Variants in PPIL2 observed in about 807,000 individuals in gnomAD.
The protein encoded by PPIL2 is peptidylprolyl isomerase like 2.
A neutral mutation model predicts 75.2 loss-of-function variants in PPIL2; 50 were observed. The ratio of observed to expected loss-of-function variants is 0.66; its 90% confidence interval spans 0.53 to 0.84. The LOEUF is 0.84. PPIL2 is among the 40% of genes least tolerant of loss of function. The probability of loss-of-function intolerance (pLI) is 0.00; values close to 1 mark genes in which losing one functional copy is unlikely to be tolerated. For missense variants in PPIL2, 590 were observed against 685.0 expected, an observed-to-expected ratio of 0.86 and a Z score of 1.55; for synonymous variants, 245 against 258.8, an observed-to-expected ratio of 0.95 and a Z score of 0.51.
At chr22:21,666,157 G>C in intron 1 of PPIL2, 26 bp downstream of exon 1, 1 of 1,604,536 alleles carries the variant, frequency 6.2e-7, no homozygotes, top group Non-Finnish European at 8.5e-7. Flanking sequence ...GTCGGGAGCG[G>C]CGCTCCACTC....
chr22:21,671,396 G>A (rs1327645992), intron 4 of PPIL2, among the ~76,000 whole-genome samples: 1 of 152,220 alleles, frequency 6.6e-6, no homozygotes. Context: ...GATAACCACT[G>A]TAAATATGCT....
intron 9 of PPIL2, 75 bp downstream of exon 9, chr22:21,683,332 C>A: frequency 1.5e-6 from 2 of 1,334,178 alleles, no homozygotes; most frequent in Non-Finnish European, 2.1e-6. Context: ...TGGGTAAAGC[C>A]CCCGCTTTCC....
At chr22:21,679,632 T>A (rs2067020096) in intron 6 of PPIL2, among the ~76,000 whole-genome samples, 1 of 150,618 alleles carries the variant, frequency 6.6e-6, no homozygotes, top group African/African-American at 2.4e-5. Context: ...AAACGGGGTC[T>A]CAGCCTATCG....
chr22:21,673,544 G>T (rs886785428), intron 5 of PPIL2: 4 of 152,262 alleles, frequency 2.6e-5, no homozygotes, highest in Admixed American at 6.5e-5. Context: ...CTTGTCGATT[G>T]TGCTGGCCCC....
chr22:21,666,121 A>C lies in PPIL2; in HGVS notation c.22A>C (p.Lys8Gln). 6.2e-7 allele frequency: 1 copy of C among 1,613,706 alleles called. No individual in the cohort carries two copies. Among genetic ancestry groups the C allele is most frequent in the Non-Finnish European group, 8.5e-7 (1 of 1,179,798 alleles). The change falls in exon 1 of 20, where the codon AAG becomes CAG. Residue 8 changes from lysine (K) to glutamine (Q), a missense_variant. By Grantham distance (53) the Lys-to-Gln change is moderately conservative. Transcript: ENST00000398831. Reference protein sequence around the residue: MGKRQHQKDKMYITCAEY... With the variant: MGKRQHQQDKMYITCAEY... The stretch of plus-strand genomic sequence containing the variant: ...CGCCATGGGGAAGCGACAGCACCAA[A>C]AGGACAAAATGTAAGTTGAGCCGCA...
Position 21,688,100 on chromosome 22 carries a change from G to C in PPIL2, c.1015G>C (p.Gly339Arg). ...CCAAGGGGGCGACCCCACAGGCACA[G>C]GCACGGGTAGGTACTGGTGCTGGGC... The part of the protein sequence containing the change: ...VIQGGDPTGT[G>R]TGGESYWGKP... Residue 339 changes from glycine to arginine, a missense_variant, in exon 14 of 20, where the codon GGC (glycine) becomes CGC (arginine). Physicochemically the swap from Gly to Arg is moderately radical, Grantham distance 125. Coordinates refer to ENST00000398831, the MANE Select transcript of PPIL2 (RefSeq NM_014337.4). The C allele has an allele frequency of 1.2e-6, 2 of 1,614,228 alleles. No individual in the cohort carries two copies. Among genetic ancestry groups the C allele is most frequent in the Non-Finnish European group, 1.7e-6 (2 of 1,180,044 alleles).
intron 1 of PPIL2, 145 bp from the exon 2 acceptor site, chr22:21,669,768 G>T: frequency 2.5e-6 from 2 of 791,230 alleles, no homozygotes; most frequent in East Asian, 5.1e-5. Context: ...CCAAAGTGTT[G>T]GGATTACAGG....
intron 15 of PPIL2, 129 bp downstream of exon 15, chr22:21,688,978 G>A (rs2067501522): frequency 1.1e-6 from 1 of 873,070 alleles, no homozygotes; most frequent in Non-Finnish European, 1.8e-6. Context: ...GGCACACCTA[G>A]GCCAAGCATG....
intron 14 of PPIL2, 59 bp downstream of exon 14, chr22:21,688,165 G>C: frequency 6.2e-7 from 1 of 1,603,478 alleles, no homozygotes; most frequent in East Asian, 2.2e-5. Flanking sequence ...GGGCATGAGG[G>C]GGTAGCTGGG....
rs1443077970 is a variant in PPIL2, at chr22:21,682,434, T to C, written c.388-3T>C. On this transcript the variant is annotated splice_polypyrimidine_tract_variant and splice_region_variant and intron_variant, in intron 7 of 19. Coordinates refer to ENST00000398831, the MANE Select transcript of PPIL2 (RefSeq NM_014337.4). ...TCGTAAAACCACTTCCTCCTGGCTA[T>C]AGGCAGTGGAACAGCTAAATATCAA... 6.2e-7 allele frequency: 1 copy of C among 1,613,056 alleles called. No homozygotes were observed. The highest frequency in any genetic ancestry group is 1.7e-5 in the Admixed American group (1 of 60,018).
intron 6 of PPIL2, among the ~76,000 whole-genome samples, chr22:21,677,085 T>G (rs2066900184): frequency 6.8e-6 from 1 of 147,556 alleles, no homozygotes. Context: ...CGCTCCTCAC[T>G]TCCTAGACAG....
intron 8 of PPIL2, among the ~76,000 whole-genome samples, chr22:21,682,968 T>C (rs544149361): frequency 6.6e-6 from 1 of 152,286 alleles, no homozygotes; most frequent in South Asian, 2.1e-4. Context: ...AGCCAGCAGC[T>C]AGCGAGGCTG....
intron 5 of PPIL2, among the ~76,000 whole-genome samples, chr22:21,674,569 C>T (rs936091081): frequency 1.3e-5 from 2 of 152,026 alleles, no homozygotes; most frequent in East Asian, 1.9e-4. Context: ...GGTGTGGTGG[C>T]GTGTGTCTGT....
chr22:21,695,372 C>G lies in PPIL2; in HGVS notation c.1467-22C>G. On this transcript the variant is annotated intron_variant, in intron 19 of 19. Coordinates refer to ENST00000398831, the MANE Select transcript of PPIL2 (RefSeq NM_014337.4). ...GGGGCTGAGGGAGGGTGTGGGCTCC[C>G]AGCGGCTTCTTCTCTTCCCAGGAAG... 1.9e-6 allele frequency: 3 copies of G among 1,582,778 alleles called. No homozygotes were observed. The South Asian group carries it at 3.5e-5, about 18-fold the overall frequency.
intron 15 of PPIL2, among the ~76,000 whole-genome samples, chr22:21,692,415 A>G (rs764365713): frequency 6.6e-6 from 1 of 151,518 alleles, no homozygotes; most frequent in Non-Finnish European, 1.5e-5. Context: ...TGGCCTCCCA[A>G]AGTGCTGGGA....
chr22:21,683,359 C>T, intron 9 of PPIL2, 102 bp downstream of exon 9: 1 of 989,898 alleles, frequency 1.0e-6, no homozygotes, highest in Non-Finnish European at 1.6e-6. Context: ...TCAGGGGGTC[C>T]CAGCCCAGAC....
intron 14 of PPIL2, 26 bp from the exon 15 acceptor site, chr22:21,688,706 T>G (rs780775366): frequency 1.2e-6 from 2 of 1,606,602 alleles, no homozygotes; most frequent in Non-Finnish European, 1.7e-6. Context: ...CAGGCTTTCC[T>G]GCTCCCATGG....
In PPIL2 at chr22:21,666,124, G is replaced by A; in HGVS notation, c.25G>A (p.Asp9Asn). The change falls in exon 1 of 20, where the codon GAC becomes AAC. Residue 9 changes from aspartate (D) to asparagine (N), a missense_variant. Asp to Asn is a conservative substitution (Grantham distance 23, BLOSUM62 1). Transcript: ENST00000398831. The part of the protein sequence containing the change: MGKRQHQK[D>N]KMYITCAEYT... ...CATGGGGAAGCGACAGCACCAAAAG[G>A]ACAAAATGTAAGTTGAGCCGCAGTC... is the stretch of plus-strand genomic sequence containing the variant. The A allele has an allele frequency of 6.2e-7, 1 of 1,613,678 alleles. No homozygotes were observed. Among genetic ancestry groups the A allele is most frequent in the Non-Finnish European group, 8.5e-7 (1 of 1,179,802 alleles).
intron 14 of PPIL2, among the ~76,000 whole-genome samples, 180 bp downstream of exon 14, chr22:21,688,286 G>A (rs1221883736): frequency 6.6e-6 from 1 of 152,212 alleles, no homozygotes; most frequent in Non-Finnish European, 1.5e-5. Context: ...TCATTTCCAG[G>A]TGGCTGTGAG....
Sources: gnomAD v4.1 joint callset for allele counts (sites outside exome capture counted in the v4.1 genomes callset) on GRCh38, gnomAD v4.1.1 for gene constraint, MANE v1.5 for transcripts, NCBI Gene and HGNC (gene_info 2026-07-23, HGNC 2026-07-21) for gene names.